CNTN5: variants seen among roughly 807,000 people sequenced by gnomAD.
The protein encoded by CNTN5 is contactin-5.
A neutral mutation model predicts 129.1 loss-of-function variants in CNTN5; 77 were observed. The ratio of observed to expected loss-of-function variants is 0.60; its 90% confidence interval spans 0.50 to 0.72. CNTN5 has a LOEUF of 0.72. CNTN5 is among the 30% of genes least tolerant of loss of function. The pLI, the probability that CNTN5 is intolerant of heterozygous loss-of-function variation, is 0.00. For missense variants in CNTN5, 1,478 were observed against 1,328.8 expected (o/e 1.11, Z -1.75); for synonymous variants, 509 against 465.6 (o/e 1.09, Z -1.20).
intron 13 of CNTN5, among the ~76,000 whole-genome samples, chr11:100,105,257 A>G (rs900617438): frequency 2.0e-5 from 3 of 152,150 alleles, no homozygotes; most frequent in South Asian, 2.1e-4. Context: ...TGTTATTCCT[A>G]TTACATCTCT....
chr11:100,158,206 C>G (rs1947321861), intron 13 of CNTN5, among the ~76,000 whole-genome samples: 1 of 151,702 alleles, frequency 6.6e-6, no homozygotes, highest in Admixed American at 6.6e-5. Context: ...GTCACACAAA[C>G]AAACCAAAAT....
chr11:99,041,960 G>T (rs1452467673), intron 1 of CNTN5, among the ~76,000 whole-genome samples: 1 of 152,044 alleles, frequency 6.6e-6, no homozygotes, highest in Non-Finnish European at 1.5e-5. Context: ...TGCTCCATTG[G>T]CCTGAAACAT....
chr11:99,577,302 A>G (rs1313228702), intron 3 of CNTN5, among the ~76,000 whole-genome samples: 1 of 152,118 alleles, frequency 6.6e-6, no homozygotes, highest in African/African-American at 2.4e-5. Context: ...TCTTGCCCCC[A>G]TCCCTCTCCC....
In CNTN5 at chr11:99,205,357, C is replaced by T. The variant is rs116325189; in HGVS notation, c.-209-119989C>T. Among the ~76,000 whole-genome samples, 694 of 152,280 alleles carry T rather than the reference C, an allele frequency of 4.6e-3. 7 individuals carry two copies. The highest frequency in any genetic ancestry group is 0.014 in the African/African-American group (595 of 41,572). On this transcript the variant is annotated intron_variant, in intron 1 of 24. Coordinates refer to ENST00000524871, the MANE Select transcript of CNTN5 (RefSeq NM_014361.4). ...CCCTCCCCCTCTAGATCCATCTCTA[C>T]CTGCTCTAGAAGAGGTTTGCTCTCA...
intron 16 of CNTN5, among the ~76,000 whole-genome samples, chr11:100,255,014 T>C (rs1052249542): frequency 6.6e-6 from 1 of 152,174 alleles, no homozygotes; most frequent in African/African-American, 2.4e-5. Context: ...AATTCGTTCT[T>C]AAAGATGAAG....
rs147413671 is a variant in CNTN5, at chr11:100,150,563, TA to T, written c.1581-40562del. 3.6e-3 allele frequency among the ~76,000 whole-genome samples: 548 copies of T among 152,174 alleles called. 6 individuals are homozygous for T. In the East Asian group the frequency reaches 0.046, roughly 13 times the overall value. ...ATTTCAAAAACTCTATAATTTTAGT[TA>T]TTTTTTGTGCCTTTTTTTCCCTCTC... On this transcript the variant is annotated intron_variant, in intron 13 of 24. Coordinates refer to ENST00000524871, the MANE Select transcript of CNTN5 (RefSeq NM_014361.4).
At chr11:100,088,120 T>C (rs2137974708) in intron 13 of CNTN5, among the ~76,000 whole-genome samples, 1 of 151,390 alleles carries the variant, frequency 6.6e-6, no homozygotes, top group Middle Eastern at 3.4e-3. Context: ...CAATCAGAAA[T>C]GACAAAGATG....
chr11:99,392,638 T>C (rs1941322920), intron 2 of CNTN5, among the ~76,000 whole-genome samples: 1 of 151,926 alleles, frequency 6.6e-6, no homozygotes, highest in African/African-American at 2.4e-5. Flanking sequence ...TTTCAAATGA[T>C]GACAGTGTGT....
At position 99,819,654 on chromosome 11, in the gene CNTN5, A is replaced by G. The variant is rs777315487; in HGVS notation, c.166A>G (p.Ser56Gly). ...TTCCAAAACCAGACCACGATACAGC[A>G]GCCCTTCATTAGGAACACTGAGTGC... Reference protein sequence around the residue: ...FGSKTRPRYSSPSLGTLSASS... With the variant: ...FGSKTRPRYSGPSLGTLSASS... Residue 56 changes from serine to glycine, a missense_variant, in exon 4 of 25, where the codon AGC (serine) becomes GGC (glycine). Physicochemically the swap from Ser to Gly is moderately conservative, Grantham distance 56 (BLOSUM62 0). Transcript: ENST00000524871. 1 of 1,612,896 alleles carries G rather than the reference A, an allele frequency of 6.2e-7. No individual in the cohort carries two copies. Among genetic ancestry groups the G allele is most frequent in the Admixed American group, 1.7e-5 (1 of 60,014 alleles).
intron 6 of CNTN5, among the ~76,000 whole-genome samples, chr11:99,846,014 G>A (rs1433883839): frequency 6.6e-6 from 1 of 151,690 alleles, no homozygotes; most frequent in Non-Finnish European, 1.5e-5. Context: ...TCTGCTTATA[G>A]CCAGGTAACA....
At chr11:99,734,932 CG>C (rs1234674027) in intron 3 of CNTN5, among the ~76,000 whole-genome samples, 1 of 152,170 alleles carries the variant, frequency 6.6e-6, no homozygotes, top group African/African-American at 2.4e-5. Flanking sequence ...GGCGTGAAGC[CG>C]GGAGGCGGAG....
intron 7 of CNTN5, among the ~76,000 whole-genome samples, chr11:99,939,809 G>A (rs1023056918): frequency 6.6e-6 from 1 of 151,998 alleles, no homozygotes; most frequent in Non-Finnish European, 1.5e-5. Context: ...TTTAGGAAAC[G>A]GTACTGAGAA....
intron 3 of CNTN5, among the ~76,000 whole-genome samples, chr11:99,636,087 ATTTT>A (rs35696243): frequency 1.1e-3 from 163 of 151,216 alleles, no homozygotes; most frequent in African/African-American, 3.8e-3. Flanking sequence ...CTAGGAAAGC[ATTTT>A]TTTTTAATGT....
chr11:99,257,060 G>T (rs954746214), intron 1 of CNTN5, among the ~76,000 whole-genome samples: 2 of 152,010 alleles, frequency 1.3e-5, no homozygotes, highest in Non-Finnish European at 2.9e-5. Context: ...ATTCAGATTC[G>T]GGTCTGCATT....
chr11:99,539,720 T>A (rs980509252), intron 2 of CNTN5, among the ~76,000 whole-genome samples: 7 of 152,166 alleles, frequency 4.6e-5, no homozygotes, highest in Non-Finnish European at 1.0e-4. Flanking sequence ...TCTCATGTTC[T>A]TTCTGTAATA....
At chr11:100,124,090 G>A (rs573575750) in intron 13 of CNTN5, among the ~76,000 whole-genome samples, 35 of 152,026 alleles carry the variant, frequency 2.3e-4, no homozygotes, top group African/African-American at 8.2e-4. Context: ...GCACTTTATG[G>A]TCAATATCTT....
chr11:99,745,728 A>ATTT (rs5794017), intron 3 of CNTN5, among the ~76,000 whole-genome samples: 1 of 149,742 alleles, frequency 6.7e-6, no homozygotes, highest in African/African-American at 2.4e-5. Flanking sequence ...ACCTGAAGAC[A>ATTT]TTTTTTTTTT....
At chr11:99,578,795 T>C (rs1426836210) in intron 3 of CNTN5, among the ~76,000 whole-genome samples, 2 of 152,218 alleles carry the variant, frequency 1.3e-5, no homozygotes, top group Admixed American at 6.5e-5. Flanking sequence ...TTCATTCTGA[T>C]AGTGGTTTCT....
intron 3 of CNTN5, among the ~76,000 whole-genome samples, chr11:99,806,391 C>T (rs1385684988): frequency 6.6e-6 from 1 of 151,984 alleles, no homozygotes; most frequent in Non-Finnish European, 1.5e-5. Context: ...TATAAAAGTG[C>T]CATGGAAGAA....
Sources: allele counts gnomAD v4.1 joint callset (sites outside exome capture counted in the v4.1 genomes callset), GRCh38; gene constraint gnomAD v4.1.1; transcripts MANE v1.5; gene names NCBI Gene and HGNC (gene_info 2026-07-23, HGNC 2026-07-21).